The following RNF144B variants were observed in gnomAD, a reference collection of about 807,000 sequenced individuals.
RNF144B encodes the protein E3 ubiquitin-protein ligase RNF144B.
RNF144B carries 25 observed loss-of-function variants against 40.2 expected under a neutral mutation model. The ratio of observed to expected loss-of-function variants is 0.62; its 90% CI spans 0.45 to 0.87. The LOEUF (loss-of-function observed/expected upper bound fraction) is 0.87. Ranked by LOEUF, RNF144B falls within the 40% of genes least tolerant of loss-of-function variation. The probability of loss-of-function intolerance (pLI) is 0.00; values close to 1 mark genes in which losing one functional copy is unlikely to be tolerated. For synonymous variants in RNF144B, 145 were observed against 136.3 expected, an observed-to-expected ratio of 1.06 and a Z score of -0.44; for missense variants, 365 against 373.7, an observed-to-expected ratio of 0.98 and a Z score of 0.19.
rs530094002 is a variant in RNF144B, at chr6:18,456,954, C to T, written c.332-201C>T. 2.0e-5 allele frequency among the ~76,000 whole-genome samples: 3 copies of T among 152,052 alleles called. No homozygotes were observed. Among genetic ancestry groups the T allele is most frequent in the East Asian group, 1.9e-4 (1 of 5,174 alleles). On this transcript the variant is annotated intron_variant, in intron 4 of 7. Coordinates refer to ENST00000259939, the MANE Select transcript of RNF144B (RefSeq NM_182757.4). This position sits in a 1 kb window ranked among gnomAD's most constrained non-coding sequence, Gnocchi z 4.7. Reference sequence around the variant, plus strand: ...GTGCGCACCTGTAGTCCCAGCTACTCGGGAGGCTGAGGCAGAAGAATCGGT... The same window carrying T: ...GTGCGCACCTGTAGTCCCAGCTACTTGGGAGGCTGAGGCAGAAGAATCGGT...
intron 3 of RNF144B, among the ~76,000 whole-genome samples, chr6:18,436,682 T>G (rs1758830556): frequency 6.6e-6 from 1 of 152,218 alleles, no homozygotes; most frequent in South Asian, 2.1e-4. Context: ...TTCTCTAGGA[T>G]TGTCAGGTGT....
In RNF144B at chr6:18,400,593, G is replaced by T. The variant is rs1794785524; in HGVS notation, c.165+894G>T. Among the ~76,000 whole-genome samples, 1 of 152,168 alleles carries T rather than the reference G, an allele frequency of 6.6e-6. No individual in the cohort carries two copies. Among genetic ancestry groups the T allele is most frequent in the Non-Finnish European group, 1.5e-5 (1 of 68,030 alleles). On this transcript the variant is annotated intron_variant, in intron 2 of 7. Transcript: ENST00000259939. The surrounding 1 kb of genome is among the most constrained non-coding windows in gnomAD (Gnocchi z 5.6). ...CCTTTACTGCCACTTTTCCTTGAAG[G>T]TTGGTCGGTTAAGGTATAAAGGTAG...
rs768138588 is a variant in RNF144B at position 18,459,784 on chromosome 6, T to C, written c.681+33T>C. 2 of 1,591,192 alleles carry C rather than the reference T, an allele frequency of 1.3e-6. No homozygotes were observed. Among genetic ancestry groups the C allele is most frequent in the South Asian group, 2.2e-5 (2 of 89,720 alleles). On this transcript the variant is annotated intron_variant, in intron 6 of 7. Transcript: ENST00000259939. The surrounding 1 kb of genome is among the most constrained non-coding windows in gnomAD (Gnocchi z 4.2). ...CCACCTAGGTTTGTTGTATGGTGTT[T>C]CCTATACTGTATCTGCACCACAGCT...
chr6:18,393,960 C>A (rs1794638505), intron 1 of RNF144B, among the ~76,000 whole-genome samples: 1 of 152,134 alleles, frequency 6.6e-6, no homozygotes, highest in Non-Finnish European at 1.5e-5. Context: ...ACTTGAGTAA[C>A]TCTTAGAATT....
Position 18,463,320 on chromosome 6 carries a change from A to C in RNF144B, c.711A>C (p.Lys237Asn). The C allele has an allele frequency of 6.2e-7, 1 of 1,608,930 alleles. No individual in the cohort carries two copies. The highest frequency in any genetic ancestry group is 8.5e-7 in the Non-Finnish European group (1 of 1,175,238). ...DNDIFLRHYD[K>N]GPCRNKLGHS... ...ACATTTTCCTCAGACATTATGACAA[A>C]GGGCCATGCAGGAATAAACTTGGCC... Residue 237 changes from lysine to asparagine, a missense_variant, in exon 7 of 8, where the codon AAA becomes AAC. By Grantham distance (94) the Lys-to-Asn change is moderately conservative. Transcript: ENST00000259939.
intron 4 of RNF144B, among the ~76,000 whole-genome samples, chr6:18,454,574 A>T (rs12211347): frequency 0.13 from 19,037 of 152,198 alleles, 1,366 homozygotes; most frequent in Admixed American, 0.19. Context: ...CTTTGCATGG[A>T]CCTTTATGTG....
intron 2 of RNF144B, among the ~76,000 whole-genome samples, chr6:18,411,567 G>C (rs1795048348): frequency 8.1e-6 from 1 of 122,974 alleles, no homozygotes; most frequent in Admixed American, 9.3e-5. Flanking sequence ...ACAGTGGTGT[G>C]ATCTCGGCTC....
At chr6:18,409,561 CTTTTT>C (rs70974741) in intron 2 of RNF144B, among the ~76,000 whole-genome samples, 1 of 93,262 alleles carries the variant, frequency 1.1e-5, no homozygotes, top group East Asian at 3.9e-4. Flanking sequence ...CTTGCATAAC[CTTTTT>C]TTTTTTTTTT....
intron 3 of RNF144B, among the ~76,000 whole-genome samples, chr6:18,437,684 A>G (rs1758853995): frequency 6.6e-6 from 1 of 152,224 alleles, no homozygotes; most frequent in Admixed American, 6.5e-5. Context: ...TTAGAAATCT[A>G]TGACTTCCCT....
chr6:18,387,749 C>T (rs1794487310), intron 1 of RNF144B, 119 bp downstream of exon 1: 2 of 750,146 alleles, frequency 2.7e-6, no homozygotes, highest in African/African-American at 3.7e-5. Flanking sequence ...TTTTCTGTCT[C>T]TAGTGCTCAA....
rs1795077749 is a variant in RNF144B, at chr6:18,412,970, A to G, written c.165+13271A>G. On this transcript the variant is annotated intron_variant, in intron 2 of 7. Coordinates refer to ENST00000259939, the MANE Select transcript of RNF144B (RefSeq NM_182757.4). This position sits in a 1 kb window ranked among gnomAD's most constrained non-coding sequence, Gnocchi z 4.2. ...TCATTTTATTCATCTGTTTAAAAAA[A>G]TTACGGAAGGAAAAGCAAGGGCATT... Among the ~76,000 whole-genome samples, 1 of 152,212 alleles carries G rather than the reference A, an allele frequency of 6.6e-6. No individual in the cohort carries two copies. Among genetic ancestry groups the G allele is most frequent in the Admixed American group, 6.5e-5 (1 of 15,280 alleles).
intron 3 of RNF144B, among the ~76,000 whole-genome samples, chr6:18,435,781 C>G (rs1409659002): frequency 6.7e-6 from 1 of 150,118 alleles, no homozygotes; most frequent in Non-Finnish European, 1.5e-5. Context: ...GACAAAAAAC[C>G]AAACACCACA....
intron 3 of RNF144B, among the ~76,000 whole-genome samples, chr6:18,428,363 T>C (rs890180228): frequency 1.3e-5 from 2 of 152,154 alleles, no homozygotes; most frequent in Non-Finnish European, 2.9e-5. Flanking sequence ...TAAAGATAAA[T>C]AGACCATGGA....
chr6:18,458,008 G>C lies in RNF144B; in HGVS notation c.536+649G>C, dbSNP rs1453613278. Among the ~76,000 whole-genome samples, 1 of 152,024 alleles carries C rather than the reference G, an allele frequency of 6.6e-6. No homozygotes were observed. The highest frequency in any genetic ancestry group is 1.5e-5 in the Non-Finnish European group (1 of 68,002). ...ACTGGAGTTCAGTGGCACGATCTCG[G>C]CTCACTGCAACCACTGCCTCCTGGG... On this transcript the variant is annotated intron_variant, in intron 5 of 7. Transcript: ENST00000259939. This position sits in a 1 kb window ranked among gnomAD's most constrained non-coding sequence, Gnocchi z 4.8.
chr6:18,436,676 C>G (rs72832465), intron 3 of RNF144B, among the ~76,000 whole-genome samples: 1,660 of 152,230 alleles, frequency 0.011, 22 homozygotes, highest in Middle Eastern at 0.027. Flanking sequence ...CTTTTATTCT[C>G]TAGGATTGTC....
intron 1 of RNF144B, among the ~76,000 whole-genome samples, chr6:18,391,017 T>C (rs1794568105): frequency 6.6e-6 from 1 of 152,206 alleles, no homozygotes; most frequent in South Asian, 2.1e-4. Context: ...TGTTTCTAAT[T>C]AAAATTTCTA....
In RNF144B at chr6:18,464,904, A is replaced by G. The variant is rs1759544235; in HGVS notation, c.772-23A>G. The G allele has an allele frequency of 6.2e-7, 1 of 1,612,788 alleles. No individual in the cohort carries two copies. On this transcript the variant is annotated intron_variant, in intron 7 of 7. Transcript: ENST00000259939. This position sits in a 1 kb window ranked among gnomAD's most constrained non-coding sequence, Gnocchi z 6.1. Reference sequence around the variant, plus strand: ...TATTGAAAGACTTAATTGCTGAAATATGCTTTTCTTTGAAATTTCCAGGTG... The same window carrying G: ...TATTGAAAGACTTAATTGCTGAAATGTGCTTTTCTTTGAAATTTCCAGGTG...
rs901690189 is a variant in RNF144B at position 18,468,319 on chromosome 6, A to G, written c.*3252A>G. The G allele has an allele frequency of 6.6e-6, 1 of 152,198 alleles. No homozygotes were observed. Among genetic ancestry groups the G allele is most frequent in the South Asian group, 2.1e-4 (1 of 4,832 alleles). The allele number at this position is 152,198 out of a possible 1,614,324, so 9.4% of individuals were successfully genotyped here. A position where few individuals can be genotyped will look rare whatever the true frequency, so the allele number is the denominator to read the frequency against. The stretch of plus-strand genomic sequence containing the variant: ...GGAAGTGAGGAGGAAAGCCATGCCG[A>G]AGCAAATGTTAGAATCTTAGGCATC... On this transcript the variant is annotated 3_prime_UTR_variant, in exon 8 of 8. Transcript: ENST00000259939.
At position 18,450,969 on chromosome 6, in the gene RNF144B, CCT is replaced by C. The variant is rs773527624; in HGVS notation, c.332-6185_332-6184del. Among the ~76,000 whole-genome samples the C allele has an allele frequency of 3.6e-4, 55 of 152,144 alleles. No homozygotes were observed. Among genetic ancestry groups the C allele is most frequent in the Non-Finnish European group, 6.8e-4 (46 of 67,992 alleles). ...GATTAGGAGGGACTAGTTTTACCCCCCTGTTTTTAGAGTTGATTAAAGGGGAA... is the reference window on the plus strand; with the variant it reads ...GATTAGGAGGGACTAGTTTTACCCCCGTTTTTAGAGTTGATTAAAGGGGAA... On this transcript the variant is annotated intron_variant, in intron 4 of 7. Transcript: ENST00000259939. This position sits in a 1 kb window ranked among gnomAD's most constrained non-coding sequence, Gnocchi z 4.7.
Sources: gnomAD v4.1 joint callset for allele counts (sites outside exome capture counted in the v4.1 genomes callset) on GRCh38, gnomAD v4.1.1 for gene constraint, Gnocchi (gnomAD v3.1) non-coding constraint, MANE v1.5 for transcripts, NCBI Gene and HGNC (gene_info 2026-07-23, HGNC 2026-07-21) for gene names.